The following CHST11 variants were observed in gnomAD, a reference collection of about 807,000 sequenced individuals.
The protein encoded by CHST11 is carbohydrate sulfotransferase 11, also known as C4S-1.
In CHST11, 9 loss-of-function variants were observed where a neutral mutation model predicts 30.4. The ratio of observed to expected loss-of-function variants is 0.30; its 90% CI spans 0.18 to 0.52. CHST11 has a LOEUF of 0.52. CHST11 is among the 20% of genes least tolerant of loss of function. The pLI, the probability that CHST11 is intolerant of heterozygous loss-of-function variation, is 0.97. For synonymous variants in CHST11, 152 were observed against 187.8 expected (o/e 0.81, Z 1.56); for missense variants, 348 against 460.6 (o/e 0.76, Z 2.24).
chr12:104,565,153 T>A (rs191661919), intron 1 of CHST11, among the ~76,000 whole-genome samples: 8 of 152,000 alleles, frequency 5.3e-5, no homozygotes, highest in Admixed American at 5.2e-4. Flanking sequence ...AAGGGCTCCC[T>A]GGTGGCGAAT....
intron 1 of CHST11, among the ~76,000 whole-genome samples, chr12:104,539,728 T>G (rs1250271440): frequency 6.6e-6 from 1 of 152,232 alleles, no homozygotes; most frequent in Non-Finnish European, 1.5e-5. Context: ...TTTTAATAGT[T>G]ATCTAAATAC....
intron 2 of CHST11, among the ~76,000 whole-genome samples, chr12:104,752,639 T>G (rs1171140153): frequency 6.6e-6 from 1 of 152,208 alleles, no homozygotes; most frequent in Non-Finnish European, 1.5e-5. Flanking sequence ...GCAATTCTCC[T>G]GCCTCAGCCT....
intron 2 of CHST11, among the ~76,000 whole-genome samples, chr12:104,722,186 G>GTGTGTGTA (rs1252954365): frequency 6.7e-6 from 1 of 149,972 alleles, no homozygotes; most frequent in African/African-American, 2.4e-5. Flanking sequence ...GTGTGTGTGT[G>GTGTGTGTA]TGTATGAGAT....
intron 2 of CHST11, among the ~76,000 whole-genome samples, chr12:104,698,864 T>G (rs1291819738): frequency 6.6e-6 from 1 of 152,286 alleles, no homozygotes; most frequent in African/African-American, 2.4e-5. Flanking sequence ...GAAACTCTTT[T>G]GAATTTACTC....
chr12:104,586,981 C>G (rs1035816126), intron 1 of CHST11, among the ~76,000 whole-genome samples: 2 of 152,172 alleles, frequency 1.3e-5, no homozygotes, highest in Admixed American at 1.3e-4. Flanking sequence ...TCTTCTACTA[C>G]TGTGGGGGTT....
At chr12:104,545,102 A>G (rs1212409248) in intron 1 of CHST11, among the ~76,000 whole-genome samples, 16 of 152,224 alleles carry the variant, frequency 1.1e-4, no homozygotes, top group Admixed American at 1.0e-3. Flanking sequence ...CAGCCCTATT[A>G]TTACCCTGCA....
intron 2 of CHST11, among the ~76,000 whole-genome samples, chr12:104,680,465 C>G (rs1014278310): frequency 6.6e-6 from 1 of 152,172 alleles, no homozygotes; most frequent in African/African-American, 2.4e-5. Context: ...CACACAGGGG[C>G]CAATCTGCGG....
chr12:104,704,608 CAA>C (rs933956785), intron 2 of CHST11, among the ~76,000 whole-genome samples: 6 of 152,126 alleles, frequency 3.9e-5, no homozygotes, highest in Non-Finnish European at 2.9e-5. Flanking sequence ...GGCCATGGCC[CAA>C]GTCTTTTGTT....
In CHST11 at chr12:104,458,188, T is replaced by A. The variant is rs947688424; in HGVS notation, c.118+659T>A. ...CGGCCGTTTGCCCCCGGGGTCCGGCTCCGCAGTGACCTTGCGGCTGGTGCC... is the reference window on the plus strand; with the variant it reads ...CGGCCGTTTGCCCCCGGGGTCCGGCACCGCAGTGACCTTGCGGCTGGTGCC... On this transcript the variant is annotated intron_variant, in intron 1 of 2. Transcript: ENST00000303694. The surrounding 1 kb of genome is among the most constrained non-coding windows in gnomAD (Gnocchi z 5.7). 6.6e-6 allele frequency among the ~76,000 whole-genome samples: 1 copy of A among 151,976 alleles called. No individual in the cohort carries two copies. The highest frequency in any genetic ancestry group is 1.5e-5 in the Non-Finnish European group (1 of 67,970).
rs188965669 is a variant in CHST11, at chr12:104,572,787, A to G, written c.119-29119A>G. Among the ~76,000 whole-genome samples, 162 of 152,142 alleles carry G rather than the reference A, an allele frequency of 1.1e-3. 1 individual carries two copies. Among genetic ancestry groups the G allele is most frequent in the Middle Eastern group, 3.4e-3 (1 of 294 alleles). ...TGAATGTGTTTGCTCTTGCTTCTCTACTTTTTAATTGTGATGTTAGGGTGT... is the reference window on the plus strand; with the variant it reads ...TGAATGTGTTTGCTCTTGCTTCTCTGCTTTTTAATTGTGATGTTAGGGTGT... On this transcript the variant is annotated intron_variant, in intron 1 of 2. Coordinates refer to ENST00000303694, the MANE Select transcript of CHST11 (RefSeq NM_018413.6).
At chr12:104,579,658 C>T (rs188234634) in intron 1 of CHST11, among the ~76,000 whole-genome samples, 3 of 152,244 alleles carry the variant, frequency 2.0e-5, no homozygotes, top group Admixed American at 1.3e-4. Flanking sequence ...GTGGATGCGC[C>T]GCCCCTCTCC....
intron 2 of CHST11, among the ~76,000 whole-genome samples, chr12:104,605,016 G>A (rs2038990067): frequency 6.8e-6 from 1 of 146,172 alleles, no homozygotes; most frequent in Non-Finnish European, 1.5e-5. Context: ...CTTATCCAAG[G>A]CCACAAAACT....
chr12:104,647,660 T>C (rs2039447600), intron 2 of CHST11, among the ~76,000 whole-genome samples: 1 of 152,240 alleles, frequency 6.6e-6, no homozygotes, highest in Non-Finnish European at 1.5e-5. Flanking sequence ...TTTCCATATA[T>C]ATATGTTATC....
At chr12:104,472,623 C>T (rs144839114) in intron 1 of CHST11, among the ~76,000 whole-genome samples, 1 of 152,258 alleles carries the variant, frequency 6.6e-6, no homozygotes, top group Non-Finnish European at 1.5e-5. Context: ...GTTCTAATAC[C>T]AACGTTTAGC....
chr12:104,644,817 A>G (rs928330961), intron 2 of CHST11, among the ~76,000 whole-genome samples: 3 of 152,234 alleles, frequency 2.0e-5, no homozygotes, highest in Non-Finnish European at 2.9e-5. Context: ...TAGAGGCTTC[A>G]GTCTGGAAGA....
At chr12:104,492,834 C>T (rs1314431994) in intron 1 of CHST11, among the ~76,000 whole-genome samples, 3 of 152,160 alleles carry the variant, frequency 2.0e-5, no homozygotes, top group African/African-American at 7.2e-5. Context: ...CAGTTTGAGA[C>T]CAGCCTGACC....
At chr12:104,556,282 T>A (rs2038454050) in intron 1 of CHST11, among the ~76,000 whole-genome samples, 1 of 152,128 alleles carries the variant, frequency 6.6e-6, no homozygotes, top group Non-Finnish European at 1.5e-5. Context: ...TCTAGGTGGT[T>A]CAGCTGGCTC....
chr12:104,689,221 T>C (rs1452632541), intron 2 of CHST11, among the ~76,000 whole-genome samples: 5 of 152,238 alleles, frequency 3.3e-5, no homozygotes, highest in African/African-American at 1.2e-4. Flanking sequence ...AAAATAAACC[T>C]TGGCCTCAGC....
intron 2 of CHST11, among the ~76,000 whole-genome samples, chr12:104,658,168 G>A (rs767470459): frequency 1.2e-4 from 18 of 152,356 alleles, no homozygotes; most frequent in Non-Finnish European, 2.1e-4. Context: ...CAGGATGAGC[G>A]TCTGCAATCA....
Sources: gnomAD v4.1 joint callset for allele counts (sites outside exome capture counted in the v4.1 genomes callset) on GRCh38, gnomAD v4.1.1 for gene constraint, Gnocchi (gnomAD v3.1) non-coding constraint, MANE v1.5 for transcripts, NCBI Gene and HGNC (gene_info 2026-07-23, HGNC 2026-07-21) for gene names.